Variants in DIAPH1 observed in about 807,000 individuals in gnomAD.
The protein encoded by DIAPH1 is protein diaphanous homolog 1.
In DIAPH1, 46 loss-of-function variants were observed where a neutral mutation model predicts 140.7. The ratio of observed to expected loss-of-function variants is 0.33; its 90% confidence interval spans 0.26 to 0.42. The LOEUF (loss-of-function observed/expected upper bound fraction) is 0.42. Ranked by LOEUF, DIAPH1 falls within the 10% of genes least tolerant of loss-of-function variation. The probability of loss-of-function intolerance (pLI) is 1.00; values close to 1 mark genes in which losing one functional copy is unlikely to be tolerated. For synonymous variants in DIAPH1, 565 were observed against 551.6 expected (o/e 1.02, Z -0.34); for missense variants, 1,310 against 1,558.7 (o/e 0.84, Z 2.69).
In DIAPH1 at chr5:141,573,993, A is replaced by AGGT. The variant is rs2099895584; in HGVS notation, c.1854_1856dup (p.Pro620dup). The AGGT allele has an allele frequency of 6.5e-7, 1 of 1,542,870 alleles. No individual in the cohort carries two copies. The highest frequency in any genetic ancestry group is 1.2e-5 in the South Asian group (1 of 83,588). On this transcript the variant is annotated inframe_insertion, in exon 16 of 28. Coordinates refer to ENST00000389054, the MANE Select transcript of DIAPH1 (RefSeq NM_005219.5). ...AGATGCAAACACCCCCAGGCAAAGG[A>AGGT]GGTGGAGGAGGAGGAGGAGGAGGAG... is the stretch of plus-strand genomic sequence containing the variant.
chr5:141,596,860 G>C (rs1436362150), intron 1 of DIAPH1, among the ~76,000 whole-genome samples: 1 of 152,154 alleles, frequency 6.6e-6, no homozygotes, highest in Admixed American at 6.5e-5. Flanking sequence ...GAGAGAAAGC[G>C]GGGCTGGGGG....
rs1423626555 is a variant in DIAPH1, at chr5:141,593,094, C to T, written c.118-4844G>A. 2.0e-5 allele frequency among the ~76,000 whole-genome samples: 3 copies of T among 152,140 alleles called. No homozygotes were observed. The South Asian group carries it at 6.2e-4, about 31-fold the overall frequency. On this transcript the variant is annotated intron_variant, in intron 1 of 27. Coordinates refer to ENST00000389054, the MANE Select transcript of DIAPH1 (RefSeq NM_005219.5). ...CCAACACATTACAGAAAGCTGAGTCCTAAACCGGAAAGAGCAATAACCAAC... is the reference window on the plus strand; with the variant it reads ...CCAACACATTACAGAAAGCTGAGTCTTAAACCGGAAAGAGCAATAACCAAC...
chr5:141,539,550 G>T (rs1205087953), intron 18 of DIAPH1, among the ~76,000 whole-genome samples: 1 of 151,638 alleles, frequency 6.6e-6, no homozygotes, highest in African/African-American at 2.4e-5. Flanking sequence ...GATTACAGGC[G>T]TGAGCCACCG....
chr5:141,528,399 T>C (rs1366247064), intron 23 of DIAPH1, 54 bp downstream of exon 23: 1 of 1,612,564 alleles, frequency 6.2e-7, no homozygotes, highest in East Asian at 2.2e-5. Flanking sequence ...TGTGTCTTAT[T>C]TCCCTCCCCA....
At chr5:141,517,068 C>G (rs1216521696) in intron 27 of DIAPH1, 60 bp from the exon 28 acceptor site, 1 of 1,597,640 alleles carries the variant, frequency 6.3e-7, no homozygotes, top group Admixed American at 1.7e-5. Flanking sequence ...TTCTTTCAAA[C>G]TCTACAGCAG....
At chr5:141,554,187 G>C (rs995215026) in intron 18 of DIAPH1, among the ~76,000 whole-genome samples, 3 of 152,132 alleles carry the variant, frequency 2.0e-5, no homozygotes, top group Non-Finnish European at 4.4e-5. Flanking sequence ...TGAGGCAGGA[G>C]AATCGCTTGA....
rs774568872 is a variant in DIAPH1 at position 141,516,845 on chromosome 5, C to G, written c.*6G>C. 5 of 1,613,896 alleles carry G rather than the reference C, an allele frequency of 3.1e-6. No individual in the cohort carries two copies. Among genetic ancestry groups the G allele is most frequent in the Middle Eastern group, 1.7e-4 (1 of 5,930 alleles). ...CTGAGGAGCTGCCGCGGTCACAGGACCCACATTAGCTTGCACGGCCAACCA... is the reference window on the plus strand; with the variant it reads ...CTGAGGAGCTGCCGCGGTCACAGGAGCCACATTAGCTTGCACGGCCAACCA... On this transcript the variant is annotated 3_prime_UTR_variant, in exon 28 of 28. Coordinates refer to ENST00000389054, the MANE Select transcript of DIAPH1 (RefSeq NM_005219.5).
intron 18 of DIAPH1, among the ~76,000 whole-genome samples, chr5:141,566,787 C>T (rs1183307098): frequency 6.6e-6 from 1 of 152,154 alleles, no homozygotes. Context: ...CCCAGCTACT[C>T]GGGAGGCTGA....
At chr5:141,584,409 G>A (rs182734412) in intron 3 of DIAPH1, among the ~76,000 whole-genome samples, 184 bp from the exon 4 acceptor site, 1 of 152,200 alleles carries the variant, frequency 6.6e-6, no homozygotes, top group Admixed American at 6.5e-5. Flanking sequence ...GATAAGTATA[G>A]TTAACATTTT....
intron 4 of DIAPH1, 49 bp from the exon 5 acceptor site, chr5:141,583,664 A>G: frequency 6.2e-7 from 1 of 1,608,654 alleles, no homozygotes; most frequent in Non-Finnish European, 8.5e-7. Flanking sequence ...CCCAGTCATA[A>G]ATTAAGGACT....
chr5:141,599,830 T>C (rs905316408), intron 1 of DIAPH1, among the ~76,000 whole-genome samples: 1 of 152,242 alleles, frequency 6.6e-6, no homozygotes, highest in Admixed American at 6.5e-5. Flanking sequence ...TATGATAGGA[T>C]ATCATTCCTG....
At chr5:141,528,061 T>C (rs774845883) in intron 23 of DIAPH1, among the ~76,000 whole-genome samples, 14 of 152,202 alleles carry the variant, frequency 9.2e-5, no homozygotes, top group South Asian at 2.1e-4. Context: ...CATAGAAATA[T>C]AGAGGCGGGG....
At chr5:141,580,692 G>C (rs2099896626) in intron 8 of DIAPH1, 52 bp downstream of exon 8, 1 of 1,600,916 alleles carries the variant, frequency 6.2e-7, no homozygotes, top group South Asian at 1.1e-5. Flanking sequence ...TCTGAACTAA[G>C]AGAAAATGAT....
intron 3 of DIAPH1, among the ~76,000 whole-genome samples, chr5:141,586,384 T>A (rs576497437): frequency 6.6e-6 from 1 of 152,358 alleles, no homozygotes; most frequent in African/African-American, 2.4e-5. Context: ...CACTAGTCTC[T>A]ATTTGAATCT....
chr5:141,583,678 A>G (rs1393734858), intron 4 of DIAPH1, 63 bp from the exon 5 acceptor site: 12 of 1,588,804 alleles, frequency 7.6e-6, no homozygotes, highest in Non-Finnish European at 1.0e-5. Flanking sequence ...AAGGACTAGT[A>G]TTAGTCAATA....
intron 18 of DIAPH1, among the ~76,000 whole-genome samples, chr5:141,541,120 TGAAACTATGACATCCACTGTGA>T (rs2099889904): frequency 6.6e-6 from 1 of 152,160 alleles, no homozygotes; most frequent in Non-Finnish European, 1.5e-5. Flanking sequence ...GTCCTGCCAA[TGAAACTATGACATCCACTGTGA>T]GAAACATCAT....
chr5:141,523,840 A>G (rs761111947), intron 27 of DIAPH1, among the ~76,000 whole-genome samples: 1 of 151,720 alleles, frequency 6.6e-6, no homozygotes, highest in African/African-American at 2.4e-5. Context: ...GTTCATACAC[A>G]CAAATGCCAA....
intron 1 of DIAPH1, among the ~76,000 whole-genome samples, chr5:141,596,677 T>C (rs1345236719): frequency 6.6e-6 from 1 of 152,212 alleles, no homozygotes; most frequent in African/African-American, 2.4e-5. Context: ...AATCTAAACT[T>C]ACAATGTGAT....
chr5:141,616,249 T>G (rs2099902660), intron 1 of DIAPH1, among the ~76,000 whole-genome samples: 1 of 152,246 alleles, frequency 6.6e-6, no homozygotes, highest in African/African-American at 2.4e-5. Flanking sequence ...TCAGACAATT[T>G]GTGAGCTCTG....
Sources: allele counts gnomAD v4.1 joint callset (sites outside exome capture counted in the v4.1 genomes callset), GRCh38; gene constraint gnomAD v4.1.1; transcripts MANE v1.5; gene names NCBI Gene and HGNC (gene_info 2026-07-23, HGNC 2026-07-21).